The following DISC1 variants were observed in gnomAD, a reference collection of about 807,000 sequenced individuals.
The protein encoded by DISC1 is disrupted in schizophrenia 1 protein.
In DISC1, 57 loss-of-function variants were observed where a neutral mutation model predicts 84.5. The ratio of observed to expected loss-of-function variants is 0.67; its 90% CI spans 0.55 to 0.84. The LOEUF (loss-of-function observed/expected upper bound fraction) is 0.84, where lower values mean the gene tolerates loss of function less well. DISC1 is among the 40% of genes least tolerant of loss of function. DISC1 has a pLI of 0.00. For synonymous variants in DISC1, 411 were observed against 415.2 expected (o/e 0.99, Z 0.12); for missense variants, 1,000 against 1,057.8 (o/e 0.95, Z 0.76).
intron 9 of DISC1, among the ~76,000 whole-genome samples, chr1:231,864,535 C>T (rs57813719): frequency 0.018 from 2,704 of 152,106 alleles, 45 homozygotes; most frequent in African/African-American, 0.043. Flanking sequence ...TGGTGGTGGG[C>T]GCCTGTAATC....
In DISC1 at chr1:231,638,127, A is replaced by G. The variant is rs578021645; in HGVS notation, c.67+11193A>G. On this transcript the variant is annotated intron_variant, in intron 1 of 12. Transcript: ENST00000439617. ...AATGTTGAACATGTTTTCCATTTGTATGTCTTCTTTTGAAAAATGTCTATT... is the reference window on the plus strand; with the variant it reads ...AATGTTGAACATGTTTTCCATTTGTGTGTCTTCTTTTGAAAAATGTCTATT... Among the ~76,000 whole-genome samples the G allele has an allele frequency of 3.6e-3, 542 of 152,186 alleles. 3 individuals carry two copies. Among genetic ancestry groups the G allele is most frequent in the Non-Finnish European group, 6.2e-3 (422 of 67,984 alleles).
chr1:231,777,520 C>G (rs530453830), intron 6 of DISC1, among the ~76,000 whole-genome samples: 59 of 152,298 alleles, frequency 3.9e-4, no homozygotes, highest in Non-Finnish European at 6.6e-4. Context: ...CCCCCTACTC[C>G]CCTTTTTAAG....
At chr1:231,885,059 A>G (rs142813401) in intron 9 of DISC1, among the ~76,000 whole-genome samples, 16 of 152,224 alleles carry the variant, frequency 1.1e-4, no homozygotes, top group African/African-American at 3.6e-4. Context: ...AACAGAGGGA[A>G]AGGCAGCCTC....
chr1:231,757,420 T>C (rs2075254765), intron 4 of DISC1, among the ~76,000 whole-genome samples: 2 of 152,218 alleles, frequency 1.3e-5, no homozygotes, highest in South Asian at 4.1e-4. Context: ...TGTTTTATTA[T>C]TTTTGTTGTC....
In DISC1 at chr1:231,890,271, G is replaced by A. The variant is rs187308947; in HGVS notation, c.1982-68557G>A. 6.5e-3 allele frequency among the ~76,000 whole-genome samples: 991 copies of A among 152,252 alleles called. 11 individuals are homozygous for A. The highest frequency in any genetic ancestry group is 0.023 in the African/African-American group (951 of 41,530). On this transcript the variant is annotated intron_variant, in intron 9 of 12. Coordinates refer to ENST00000439617, the MANE Select transcript of DISC1 (RefSeq NM_018662.3). ...TGATCGTGGGTAAGCAAAAAACACA[G>A]TGACTGCTGAAATATAGGGATGGAA...
At chr1:231,717,763 T>C (rs528613977) in intron 3 of DISC1, among the ~76,000 whole-genome samples, 1 of 152,298 alleles carries the variant, frequency 6.6e-6, no homozygotes, top group South Asian at 2.1e-4. Context: ...CCTCCTTACT[T>C]CATTTGCCTG....
chr1:231,648,562 C>T (rs1473696721), intron 1 of DISC1, among the ~76,000 whole-genome samples: 1 of 152,148 alleles, frequency 6.6e-6, no homozygotes, highest in African/African-American at 2.4e-5. Flanking sequence ...CAGGATGATG[C>T]TGGCCTCATA....
intron 12 of DISC1, among the ~76,000 whole-genome samples, chr1:232,027,873 T>C (rs1188208308): frequency 1.3e-5 from 2 of 151,504 alleles, no homozygotes; most frequent in South Asian, 2.1e-4. Flanking sequence ...TAGTCATAAA[T>C]ACTCAGATCT....
chr1:231,772,992 A>G (rs951709414), intron 6 of DISC1, among the ~76,000 whole-genome samples: 3 of 152,166 alleles, frequency 2.0e-5, no homozygotes, highest in Admixed American at 1.3e-4. Flanking sequence ...CACTTTCAGA[A>G]CCATTCTTCA....
chr1:232,019,494 T>C (rs1668757218), intron 11 of DISC1, among the ~76,000 whole-genome samples: 1 of 152,194 alleles, frequency 6.6e-6, no homozygotes, highest in Non-Finnish European at 1.5e-5. Flanking sequence ...CAGAACTCCA[T>C]TTCTGCTAGG....
At chr1:231,642,093 C>T (rs2125192715) in intron 1 of DISC1, among the ~76,000 whole-genome samples, 1 of 152,328 alleles carries the variant, frequency 6.6e-6, no homozygotes, top group South Asian at 2.1e-4. Flanking sequence ...AGCCCTGCCC[C>T]GCGGGAAGGC....
chr1:231,677,924 C>A (rs1343166045), intron 1 of DISC1, among the ~76,000 whole-genome samples: 1 of 152,004 alleles, frequency 6.6e-6, no homozygotes, highest in Non-Finnish European at 1.5e-5. Context: ...TTGCAGTGAG[C>A]CAAGAGCGTG....
intron 1 of DISC1, among the ~76,000 whole-genome samples, chr1:231,656,386 G>A (rs1240991917): frequency 6.6e-6 from 1 of 152,136 alleles, no homozygotes; most frequent in South Asian, 2.1e-4. Flanking sequence ...TTGACGATCA[G>A]TTGGTTGTAA....
intron 9 of DISC1, among the ~76,000 whole-genome samples, chr1:231,890,460 A>C (rs1442766735): frequency 6.6e-6 from 1 of 152,240 alleles, no homozygotes; most frequent in African/African-American, 2.4e-5. Context: ...TTGAATAATA[A>C]GTACTTGAAA....
At chr1:231,696,845 ACT>A (rs1325360647) in intron 2 of DISC1, among the ~76,000 whole-genome samples, 2 of 152,198 alleles carry the variant, frequency 1.3e-5, no homozygotes, top group Non-Finnish European at 2.9e-5. Context: ...GTGTAAGCAC[ACT>A]CTACGATGTT....
At chr1:231,627,109 C>T (rs545879269) in intron 1 of DISC1, among the ~76,000 whole-genome samples, 175 bp downstream of exon 1, 3 of 152,330 alleles carry the variant, frequency 2.0e-5, no homozygotes, top group African/African-American at 7.2e-5. Flanking sequence ...AAGAGCGAGT[C>T]TTGGGCTGCC....
chr1:231,923,749 AGAG>A (rs2090155945), intron 9 of DISC1, among the ~76,000 whole-genome samples: 1 of 152,222 alleles, frequency 6.6e-6, no homozygotes, highest in Admixed American at 6.5e-5. Context: ...TCCATCATGC[AGAG>A]GAGATGCTGA....
At chr1:231,705,441 C>G (rs6698590) in intron 3 of DISC1, among the ~76,000 whole-genome samples, 1 of 150,610 alleles carries the variant, frequency 6.6e-6, no homozygotes, top group Non-Finnish European at 1.5e-5. Flanking sequence ...TTAGATGGGT[C>G]CTGAAGGATG....
chr1:232,016,725 G>A (rs1412548759), intron 11 of DISC1, among the ~76,000 whole-genome samples: 8 of 152,120 alleles, frequency 5.3e-5, no homozygotes, highest in Non-Finnish European at 8.8e-5. Context: ...TTGTTTCTCC[G>A]AGCCACCTTC....
Sources: gnomAD v4.1 joint callset for allele counts (sites outside exome capture counted in the v4.1 genomes callset) on GRCh38, gnomAD v4.1.1 for gene constraint, MANE v1.5 for transcripts, NCBI Gene and HGNC (gene_info 2026-07-23, HGNC 2026-07-21) for gene names.